Variants in ARHGAP25 observed in about 807,000 individuals in gnomAD.
ARHGAP25 encodes Rho GTPase activating protein 25, also known as rho GTPase-activating protein 25.
In ARHGAP25, 34 loss-of-function variants were observed where a neutral mutation model predicts 71.0. That is an observed-to-expected ratio of 0.48 (90% CI 0.36 to 0.64). The LOEUF (loss-of-function observed/expected upper bound fraction) is 0.64, where lower values mean the gene tolerates loss of function less well. ARHGAP25 is among the 30% of genes least tolerant of loss of function. The pLI, the probability that ARHGAP25 is intolerant of heterozygous loss-of-function variation, is 0.00. For missense variants in ARHGAP25, 706 were observed against 805.1 expected, an observed-to-expected ratio of 0.88 and a Z score of 1.49; for synonymous variants, 282 against 296.5, an observed-to-expected ratio of 0.95 and a Z score of 0.50.
chr2:68,737,400 C>G (rs1036701041), intron 1 of ARHGAP25, among the ~76,000 whole-genome samples: 6 of 152,188 alleles, frequency 3.9e-5, no homozygotes, highest in African/African-American at 1.2e-4. Flanking sequence ...ACCTAGATAC[C>G]ATTGACATTT....
chr2:68,713,063 G>C (rs1202399430), intron 2 of ARHGAP25, among the ~76,000 whole-genome samples: 5 of 152,182 alleles, frequency 3.3e-5, no homozygotes, highest in Non-Finnish European at 7.4e-5. Context: ...ATGGTAGCTT[G>C]ATAGGGATGG....
At chr2:68,781,377 G>A (rs555495266) in intron 2 of ARHGAP25, among the ~76,000 whole-genome samples, 178 of 151,432 alleles carry the variant, frequency 1.2e-3, no homozygotes, top group African/African-American at 4.2e-3. Context: ...GCAACAGAGC[G>A]AGACTCCGTC....
chr2:68,762,767 A>G (rs1192054166), intron 1 of ARHGAP25, among the ~76,000 whole-genome samples: 1 of 152,218 alleles, frequency 6.6e-6, no homozygotes, highest in Non-Finnish European at 1.5e-5. Context: ...GTGGCCAGCC[A>G]AAAAGAAATG....
At chr2:68,824,832 A>C (rs1237595784) in intron 10 of ARHGAP25, among the ~76,000 whole-genome samples, 1 of 152,166 alleles carries the variant, frequency 6.6e-6, no homozygotes, top group Non-Finnish European at 1.5e-5. Context: ...CTGAAGATGG[A>C]TTGTTACCCA....
intron 4 of ARHGAP25, among the ~76,000 whole-genome samples, chr2:68,800,786 A>G (rs960694302): frequency 6.6e-6 from 1 of 152,214 alleles, no homozygotes; most frequent in Non-Finnish European, 1.5e-5. Flanking sequence ...GAGATAGCAC[A>G]TGTGAAAGTA....
intron 1 of ARHGAP25, among the ~76,000 whole-genome samples, chr2:68,748,112 G>T (rs4396758): frequency 6.6e-6 from 1 of 152,112 alleles, no homozygotes; most frequent in African/African-American, 2.4e-5. Flanking sequence ...CTTCCCCTCT[G>T]TCTCCACCCA....
intron 2 of ARHGAP25, among the ~76,000 whole-genome samples, chr2:68,729,539 A>G (rs924009486): frequency 5.9e-5 from 9 of 152,258 alleles, no homozygotes; most frequent in East Asian, 1.9e-4. Context: ...CAAATGCCCA[A>G]TAAACACATT....
At chr2:68,820,421 T>C (rs1681558576) in intron 9 of ARHGAP25, among the ~76,000 whole-genome samples, 1 of 152,166 alleles carries the variant, frequency 6.6e-6, no homozygotes, top group African/African-American at 2.4e-5. Flanking sequence ...TAGCTTGTTA[T>C]AGAGGAGGAC....
rs1473999787 is a variant in ARHGAP25 at position 68,817,992 on chromosome 2, G to T, written c.1001G>T (p.Arg334Ile). Residue 334 changes from arginine (R) to isoleucine (I), a missense_variant and splice_region_variant, in exon 8 of 11, where the codon AGA becomes ATA. Physicochemically the swap from Arg to Ile is moderately conservative, Grantham distance 97. Coordinates refer to ENST00000409202, the MANE Select transcript of ARHGAP25 (RefSeq NM_001007231.3). ...SKVEDPAVIM[R>I]GTPQIQRVMT... is the part of the protein sequence containing the mutation. ...GTCGAAGACCCTGCCGTGATCATGA[G>T]AGGTATGGCTGGTCCCGTAGTGAAA... 6.2e-7 allele frequency: 1 copy of T among 1,614,032 alleles called. No homozygotes were observed. The highest frequency in any genetic ancestry group is 1.3e-5 in the African/African-American group (1 of 75,054).
intron 2 of ARHGAP25, among the ~76,000 whole-genome samples, chr2:68,778,788 G>A (rs1050760778): frequency 1.3e-5 from 2 of 152,212 alleles, no homozygotes; most frequent in East Asian, 1.9e-4. Context: ...TGGACCTAGC[G>A]TCCGGCAAAG....
At chr2:68,725,373 G>T (rs953357019) in intron 2 of ARHGAP25, among the ~76,000 whole-genome samples, 1 of 152,082 alleles carries the variant, frequency 6.6e-6, no homozygotes, top group Non-Finnish European at 1.5e-5. Flanking sequence ...CACCCAGGCT[G>T]GAGTACAGTG....
At position 68,768,320 on chromosome 2, in the gene ARHGAP25, A is replaced by G. The variant is rs55673154; in HGVS notation, c.62-6901A>G. ...TCAGGGATTATATCTTCCATCGTCC[A>G]CTCTGCTCAAGTGGATGCAGTGAAC... On this transcript the variant is annotated intron_variant, in intron 1 of 10. Transcript: ENST00000409202. 3.5e-3 allele frequency among the ~76,000 whole-genome samples: 526 copies of G among 152,194 alleles called. 1 individual carries two copies. The highest frequency in any genetic ancestry group is 5.6e-3 in the Admixed American group (85 of 15,290).
At chr2:68,765,542 T>C (rs1219904531) in intron 1 of ARHGAP25, among the ~76,000 whole-genome samples, 7 of 152,204 alleles carry the variant, frequency 4.6e-5, no homozygotes, top group Non-Finnish European at 1.5e-5. Flanking sequence ...ATCCCTTTCT[T>C]TTTCTTTTAT....
intron 4 of ARHGAP25, among the ~76,000 whole-genome samples, chr2:68,804,071 G>A (rs1224275924): frequency 2.0e-5 from 3 of 152,174 alleles, no homozygotes; most frequent in African/African-American, 7.2e-5. Context: ...TGAAAGGGCT[G>A]CATTTGAGGC....
chr2:68,819,386 GC>G, intron 9 of ARHGAP25, 67 bp downstream of exon 9: 1 of 1,563,452 alleles, frequency 6.4e-7, no homozygotes, highest in Non-Finnish European at 8.8e-7. Flanking sequence ...CCCATGTAAG[GC>G]CTGCTCTCGG....
chr2:68,787,635 A>G (rs529929410), intron 3 of ARHGAP25, among the ~76,000 whole-genome samples: 2 of 152,352 alleles, frequency 1.3e-5, no homozygotes, highest in Admixed American at 6.5e-5. Flanking sequence ...ATTGTGTTCA[A>G]TGATTTGTCT....
At chr2:68,787,656 AG>A (rs1678851373) in intron 3 of ARHGAP25, among the ~76,000 whole-genome samples, 183 bp from the exon 4 acceptor site, 1 of 152,214 alleles carries the variant, frequency 6.6e-6, no homozygotes, top group Admixed American at 6.5e-5. Context: ...GTTGAGTTAG[AG>A]CTTCAGTAAG....
At chr2:68,776,683 T>G (rs1677944185) in intron 2 of ARHGAP25, among the ~76,000 whole-genome samples, 1 of 152,080 alleles carries the variant, frequency 6.6e-6, no homozygotes, top group African/African-American at 2.4e-5. Flanking sequence ...GGACCCCAGG[T>G]GCAAACTGGA....
chr2:68,737,668 A>G (rs72893961), intron 1 of ARHGAP25, among the ~76,000 whole-genome samples: 2,905 of 152,304 alleles, frequency 0.019, 79 homozygotes, highest in African/African-American at 0.067. Flanking sequence ...GAACCCAAAT[A>G]TTAACTCATG....
Sources: gnomAD v4.1 joint callset for allele counts (sites outside exome capture counted in the v4.1 genomes callset) on GRCh38, gnomAD v4.1.1 for gene constraint, MANE v1.5 for transcripts, NCBI Gene and HGNC (gene_info 2026-07-23, HGNC 2026-07-21) for gene names.